The following BCAR1 variants were observed in gnomAD, a reference collection of about 807,000 sequenced individuals.
The protein encoded by BCAR1 is BCAR1 scaffold protein, Cas family member, also known as breast cancer anti-estrogen resistance protein 1.
In BCAR1, 30 loss-of-function variants were observed where a neutral mutation model predicts 67.6. The ratio of observed to expected loss-of-function variants is 0.44; its 90% CI spans 0.33 to 0.60. The LOEUF (loss-of-function observed/expected upper bound fraction) is 0.60. Ranked by LOEUF, BCAR1 falls within the 20% of genes least tolerant of loss-of-function variation. The pLI, the probability that BCAR1 is intolerant of heterozygous loss-of-function variation, is 0.02. For synonymous variants in BCAR1, 626 were observed against 556.7 expected, an observed-to-expected ratio of 1.12 and a Z score of -1.75; for missense variants, 1,313 against 1,222.3, an observed-to-expected ratio of 1.07 and a Z score of -1.11.
intron 2 of BCAR1, among the ~76,000 whole-genome samples, 186 bp downstream of exon 2, chr16:75,242,284 T>C (rs2077368606): frequency 1.3e-5 from 2 of 152,164 alleles, no homozygotes; most frequent in Admixed American, 6.5e-5. Flanking sequence ...TCTGGGTCCA[T>C]TCACATCCAT....
upstream of BCAR1, chr16:75,251,716 A>C: frequency 1.0e-6 from 1 of 983,364 alleles, no homozygotes; most frequent in Non-Finnish European, 1.2e-6. Context: ...GCCGCTCTCC[A>C]TGCAAATAAG....
intron 2 of BCAR1, chr16:75,238,387 A>G: frequency 9.2e-7 from 1 of 1,091,918 alleles, no homozygotes; most frequent in South Asian, 2.2e-5. Flanking sequence ...TGTCTGGGAC[A>G]GGGTTGACTC....
At chr16:75,250,830 T>C in intron 1 of BCAR1, 1 of 985,498 alleles carries the variant, frequency 1.0e-6, no homozygotes, top group Non-Finnish European at 1.2e-6. Context: ...AGGACTCCTG[T>C]GGCCAGGACC....
At chr16:75,238,684 G>T in intron 2 of BCAR1, 1 of 985,826 alleles carries the variant, frequency 1.0e-6, no homozygotes, top group African/African-American at 1.7e-5. Flanking sequence ...GGGTGTCCCC[G>T]CCCCCTTCCA....
chr16:75,261,432 CA>C (rs560602848), intron 1 of BCAR1, among the ~76,000 whole-genome samples: 120 of 152,378 alleles, frequency 7.9e-4, no homozygotes, highest in African/African-American at 2.8e-3. Flanking sequence ...GATCCCCAGG[CA>C]GGGGTGGAAC....
rs1261142620 is a variant in BCAR1 at position 75,230,030 on chromosome 16, C to G, written c.2101-7G>C. The G allele has an allele frequency of 6.6e-7, 1 of 1,525,184 alleles. No individual in the cohort carries two copies. The highest frequency in any genetic ancestry group is 2.3e-5 in the East Asian group (1 of 43,976). The allele number at this position is 1,525,184 out of a possible 1,614,324, so 94.5% of individuals were successfully genotyped here. A position where few individuals can be genotyped will look rare whatever the true frequency, so the allele number is the denominator to read the frequency against. ...GTCGTTCAAACTGCTTCAGCTGGGG[C>G]AGGAGGGAAGCAGGAGCAGGGTTAG... On this transcript the variant is annotated splice_region_variant and splice_polypyrimidine_tract_variant and intron_variant, in intron 6 of 6. Coordinates refer to ENST00000162330, the MANE Select transcript of BCAR1 (RefSeq NM_014567.5).
intron 1 of BCAR1, chr16:75,265,758 G>A (rs1023240554): frequency 3.1e-5 from 37 of 1,194,260 alleles, no homozygotes; most frequent in Admixed American, 8.9e-5. Flanking sequence ...GGCCCGCAGC[G>A]GGCGGGGCGA....
chr16:75,240,015 T>A (rs1199708088), intron 2 of BCAR1, among the ~76,000 whole-genome samples: 3 of 151,922 alleles, frequency 2.0e-5, no homozygotes, highest in Non-Finnish European at 4.4e-5. Context: ...GCCCTCAGAT[T>A]CCTACAGCCC....
At chr16:75,266,047 G>C in intron 1 of BCAR1, 2 of 1,025,276 alleles carry the variant, frequency 2.0e-6, no homozygotes, top group Non-Finnish European at 2.3e-6. Flanking sequence ...TCCGCGGCCA[G>C]GGACGCGTTA....
intron 1 of BCAR1, chr16:75,264,321 C>G: frequency 6.9e-7 from 1 of 1,459,612 alleles, no homozygotes; most frequent in Non-Finnish European, 9.0e-7. Context: ...GCCAGAGTGA[C>G]ATTCCCTAAT....
At chr16:75,230,796 C>T (rs1201421654) in intron 6 of BCAR1, among the ~76,000 whole-genome samples, 2 of 152,244 alleles carry the variant, frequency 1.3e-5, no homozygotes, top group Admixed American at 1.3e-4. Flanking sequence ...CACTTAGAAC[C>T]TCGCACTGTC....
At chr16:75,264,089 G>GGGAC (rs1218310431) in intron 1 of BCAR1, 5 of 1,245,402 alleles carry the variant, frequency 4.0e-6, no homozygotes, top group Non-Finnish European at 5.0e-6. Flanking sequence ...CCAGGCTGCA[G>GGGAC]GTCCCCACGA....
intron 4 of BCAR1, 171 bp from the exon 5 acceptor site, chr16:75,236,157 C>G (rs556141710): frequency 1.8e-5 from 14 of 760,236 alleles, no homozygotes; most frequent in African/African-American, 1.2e-4. Flanking sequence ...CGCACACAGG[C>G]ACACACACGC....
chr16:75,263,466 C>G, intron 1 of BCAR1: 1 of 985,300 alleles, frequency 1.0e-6, no homozygotes. Context: ...ATGCCTGGAG[C>G]AGAGGAAGGG....
chr16:75,232,597 G>A (rs1032441158), intron 6 of BCAR1, among the ~76,000 whole-genome samples: 7 of 152,098 alleles, frequency 4.6e-5, no homozygotes, highest in African/African-American at 2.4e-5. Flanking sequence ...TCTTTTCTTG[G>A]GTGTTTTCTT....
chr16:75,260,401 G>T (rs1025757917), intron 1 of BCAR1, among the ~76,000 whole-genome samples: 2 of 152,104 alleles, frequency 1.3e-5, no homozygotes, highest in African/African-American at 4.8e-5. Flanking sequence ...CACTTCAGGA[G>T]GCGGAGGCAG....
upstream of BCAR1, chr16:75,251,695 C>T: frequency 1.0e-6 from 1 of 992,512 alleles, no homozygotes; most frequent in Non-Finnish European, 1.2e-6. Context: ...CGCGCGCGCC[C>T]ATTGGCCGCC....
chr16:75,245,326 C>T (rs776020867), intron 1 of BCAR1, among the ~76,000 whole-genome samples: 22 of 152,224 alleles, frequency 1.4e-4, no homozygotes, highest in Non-Finnish European at 2.9e-4. Flanking sequence ...CAGAGTGAGT[C>T]ACAGGAAAAT....
intron 1 of BCAR1, chr16:75,250,962 G>A: frequency 1.0e-6 from 1 of 985,472 alleles, no homozygotes; most frequent in Non-Finnish European, 1.2e-6. Context: ...GGAGCCGGGT[G>A]CTCCGGCTGC....
Sources: gnomAD v4.1 joint callset for allele counts (sites outside exome capture counted in the v4.1 genomes callset) on GRCh38, gnomAD v4.1.1 for gene constraint, MANE v1.5 for transcripts, NCBI Gene and HGNC (gene_info 2026-07-23, HGNC 2026-07-21) for gene names.